CCDC83: variants seen among roughly 807,000 people sequenced by gnomAD.
The protein encoded by CCDC83 is coiled-coil domain-containing protein 83.
A neutral mutation model predicts 50.1 loss-of-function variants in CCDC83; 54 were observed. The ratio of observed to expected loss-of-function variants is 1.08; its 90% confidence interval spans 0.87 to 1.35. CCDC83 has a LOEUF of 1.35. Ranked by LOEUF, CCDC83 falls within the 40% of genes most tolerant of loss-of-function variation. The pLI is 0.00. For synonymous variants in CCDC83, 161 were observed against 153.3 expected (o/e 1.05, Z -0.37); for missense variants, 518 against 473.9 (o/e 1.09, Z -0.86).
At chr11:85,912,770 T>C (rs750798858) in intron 8 of CCDC83, 5 of 1,317,024 alleles carry the variant, frequency 3.8e-6, no homozygotes, top group South Asian at 1.2e-5. Context: ...CCTACTGCTA[T>C]AGCTGCTGTC....
chr11:85,865,161 A>G lies in CCDC83; in HGVS notation c.38A>G (p.His13Arg). 2 of 1,613,348 alleles carry G rather than the reference A, an allele frequency of 1.2e-6. No homozygotes were observed. The highest frequency in any genetic ancestry group is 4.5e-5 in the East Asian group (2 of 44,874). Reference sequence around the variant, plus strand: ...GGGAAAGCAAATAAAAAGGATACACATGACGGGCCACCAAAAGAAATTAAA... The same window carrying G: ...GGGAAAGCAAATAAAAAGGATACACGTGACGGGCCACCAAAAGAAATTAAA... The part of the protein sequence containing the change: ...NSGKANKKDT[H>R]DGPPKEIKLP... The change falls in exon 2 of 11, where the codon CAT (histidine) becomes CGT (arginine). Residue 13 changes from histidine (H) to arginine (R), a missense_variant. Physicochemically the swap from His to Arg is conservative, Grantham distance 29. Coordinates refer to ENST00000342404, the MANE Select transcript of CCDC83 (RefSeq NM_001286159.2).
intron 7 of CCDC83, among the ~76,000 whole-genome samples, chr11:85,910,919 C>T (rs1454648877): frequency 6.6e-6 from 1 of 152,076 alleles, no homozygotes; most frequent in Non-Finnish European, 1.5e-5. Flanking sequence ...CACCTGTAAT[C>T]CCAGCACTTT....
chr11:85,868,586 G>C (rs2093220696), intron 2 of CCDC83, among the ~76,000 whole-genome samples: 1 of 152,236 alleles, frequency 6.6e-6, no homozygotes, highest in Non-Finnish European at 1.5e-5. Flanking sequence ...ATGTTGGCCA[G>C]GCTGGTCTTG....
intron 5 of CCDC83, among the ~76,000 whole-genome samples, chr11:85,889,453 T>G (rs538896404): frequency 6.6e-6 from 1 of 152,388 alleles, no homozygotes; most frequent in African/African-American, 2.4e-5. Context: ...ATTGAATTAC[T>G]TGCTGGTCAA....
rs528150362 is a variant in CCDC83, at chr11:85,882,734, TTAA to T, written c.343+61_343+63del. The T allele has an allele frequency of 3.2e-5, 46 of 1,451,906 alleles. No homozygotes were observed. In the South Asian group the frequency reaches 5.4e-4, roughly 17 times the overall value. The allele number at this position is 1,451,906 out of a possible 1,614,324, so 89.9% of individuals were successfully genotyped here. A position where few individuals can be genotyped will look rare whatever the true frequency, so the allele number is the denominator to read the frequency against. On this transcript the variant is annotated intron_variant, in intron 4 of 10. Transcript: ENST00000342404. ...TGTGCCAAGTTATTTCTTGAATATA[TTAA>T]TGCTTTATTCTTCCAATATGTTCAA... is the stretch of plus-strand genomic sequence containing the variant.
At chr11:85,918,892 A>G (rs2093495505) in intron 10 of CCDC83, among the ~76,000 whole-genome samples, 1 of 152,256 alleles carries the variant, frequency 6.6e-6, no homozygotes, top group Admixed American at 6.5e-5. Context: ...CTGTGGGGAT[A>G]TTTAACCTTT....
At chr11:85,897,477 G>A (rs1381876905) in intron 6 of CCDC83, among the ~76,000 whole-genome samples, 2 of 152,168 alleles carry the variant, frequency 1.3e-5, no homozygotes, top group African/African-American at 4.8e-5. Context: ...TCCCAATGCT[G>A]TGCAACCTTA....
rs555799117 is a variant in CCDC83 at position 85,908,999 on chromosome 11, T to A, written c.673-2282T>A. Among the ~76,000 whole-genome samples, 31 of 152,300 alleles carry A rather than the reference T, an allele frequency of 2.0e-4. No individual in the cohort carries two copies. In the East Asian group the frequency reaches 4.4e-3, roughly 22 times the overall value. ...CCTGGGCTGAAGTGTCATGGTGCAGTCATAGCTCACTGTAACATTGAACTT... is the reference window on the plus strand; with the variant it reads ...CCTGGGCTGAAGTGTCATGGTGCAGACATAGCTCACTGTAACATTGAACTT... On this transcript the variant is annotated intron_variant, in intron 7 of 10. Coordinates refer to ENST00000342404, the MANE Select transcript of CCDC83 (RefSeq NM_001286159.2).
At chr11:85,872,180 T>C (rs541440217) in intron 2 of CCDC83, among the ~76,000 whole-genome samples, 1 of 152,088 alleles carries the variant, frequency 6.6e-6, no homozygotes, top group African/African-American at 2.4e-5. Flanking sequence ...CTGGAACTCC[T>C]GTCCTCAAGA....
At chr11:85,908,697 A>C (rs1048959655) in intron 7 of CCDC83, among the ~76,000 whole-genome samples, 2 of 151,452 alleles carry the variant, frequency 1.3e-5, no homozygotes, top group Non-Finnish European at 2.9e-5. Flanking sequence ...GAAGCCCAGG[A>C]GTTTGAGACC....
rs148135893 is a variant in CCDC83, at chr11:85,911,387, A to C, written c.779A>C (p.Asp260Ala). 703 of 1,603,956 alleles carry C rather than the reference A, an allele frequency of 4.4e-4. 6 individuals carry two copies. In the Middle Eastern group the frequency reaches 0.014, roughly 33 times the overall value. The change falls in exon 8 of 11, where the codon GAT becomes GCT. Residue 260 changes from aspartate (D) to alanine (A), a missense_variant. Coordinates refer to ENST00000342404, the MANE Select transcript of CCDC83 (RefSeq NM_001286159.2). ...IDQLSNCRLVDLKIPRRLYLT... is the reference protein window; with the variant it reads ...IDQLSNCRLVALKIPRRLYLT... ...CAACTATCCAACTGTAGACTTGTGG[A>C]TCTCAAGATACCCAGGTGAAAATTG...
chr11:85,888,529 C>G (rs2093337474), intron 5 of CCDC83, among the ~76,000 whole-genome samples: 1 of 152,208 alleles, frequency 6.6e-6, no homozygotes, highest in South Asian at 2.1e-4. Context: ...AGCTCTTTAA[C>G]TGTGATATAA....
intron 1 of CCDC83, 130 bp from the exon 2 acceptor site, chr11:85,864,966 G>C (rs2093198580): frequency 1.7e-6 from 1 of 602,532 alleles, no homozygotes; most frequent in African/African-American, 1.9e-5. Context: ...GTGAATGTTA[G>C]ATCTGGGGAC....
chr11:85,905,547 T>C (rs1463087174), intron 7 of CCDC83, among the ~76,000 whole-genome samples: 2 of 148,242 alleles, frequency 1.3e-5, no homozygotes, highest in African/African-American at 2.5e-5. Context: ...GAGGTGGAGG[T>C]TGCAGTGAGC....
At chr11:85,867,061 T>C (rs2093211528) in intron 2 of CCDC83, among the ~76,000 whole-genome samples, 1 of 151,708 alleles carries the variant, frequency 6.6e-6, no homozygotes, top group African/African-American at 2.4e-5. Context: ...TTTAAGAGAG[T>C]TGTTGTTGTT....
intron 10 of CCDC83, among the ~76,000 whole-genome samples, chr11:85,917,493 T>C (rs2093487936): frequency 6.6e-6 from 1 of 152,188 alleles, no homozygotes; most frequent in Middle Eastern, 3.2e-3. Flanking sequence ...TAGGCTATCT[T>C]TGGAAAGTAC....
intron 1 of CCDC83, among the ~76,000 whole-genome samples, chr11:85,864,655 G>A (rs1451904921): frequency 6.6e-6 from 1 of 152,132 alleles, no homozygotes; most frequent in Non-Finnish European, 1.5e-5. Flanking sequence ...TAATTCTTAA[G>A]TCTTTTGGAT....
In CCDC83 at chr11:85,911,282, T is replaced by A; in HGVS notation, c.674T>A (p.Val225Asp). Residue 225 changes from valine to aspartate, a missense_variant and splice_region_variant, in exon 8 of 11, where the codon GTT (valine) becomes GAT (aspartate). Val to Asp is a radical substitution (Grantham distance 152, BLOSUM62 -3). Transcript: ENST00000342404. ...IWENDWLKKE[V>D]AIHRKEVEEL... is the part of the protein sequence containing the mutation. Reference sequence around the variant, plus strand: ...TTCATTCTCTTCTTCTGAGAACAGGTTGCAATTCACAGGAAGGAAGTTGAA... The same window carrying A: ...TTCATTCTCTTCTTCTGAGAACAGGATGCAATTCACAGGAAGGAAGTTGAA... The A allele has an allele frequency of 6.2e-7, 1 of 1,606,646 alleles. No homozygotes were observed. The highest frequency in any genetic ancestry group is 8.5e-7 in the Non-Finnish European group (1 of 1,176,444).
chr11:85,918,080 T>C (rs910037090), intron 10 of CCDC83: 1 of 152,204 alleles, frequency 6.6e-6, no homozygotes, highest in Non-Finnish European at 1.5e-5. Flanking sequence ...TATATGTATT[T>C]TGAGAAATAA....
Sources: gnomAD v4.1 joint callset for allele counts (sites outside exome capture counted in the v4.1 genomes callset) on GRCh38, gnomAD v4.1.1 for gene constraint, MANE v1.5 for transcripts, NCBI Gene and HGNC (gene_info 2026-07-23, HGNC 2026-07-21) for gene names.